FANCD2: variants seen among roughly 807,000 people sequenced by gnomAD.
FANCD2 encodes the protein Fanconi anemia group D2 protein.
A neutral mutation model predicts 192.3 loss-of-function variants in FANCD2; 131 were observed. The observed-to-expected ratio is 0.68, with a 90% CI of 0.59 to 0.79. FANCD2 has a LOEUF of 0.79. Ranked by LOEUF, FANCD2 falls within the 30% of genes least tolerant of loss-of-function variation. The pLI, the probability that FANCD2 is intolerant of heterozygous loss-of-function variation, is 0.00. For missense variants in FANCD2, 1,508 were observed against 1,701.6 expected (o/e 0.89, Z 2.00); for synonymous variants, 524 against 612.5 (o/e 0.86, Z 2.13).
Position 10,047,772 on chromosome 3 carries a change from G to C in FANCD2, c.1279-145G>C, listed in dbSNP as rs540795198. ...CTCAGAATGATGAAGGATTATTTTT[G>C]TGTAAAACAAAGATTAAGATTTCCT... On this transcript the variant is annotated intron_variant, in intron 15 of 43. Transcript: ENST00000675286. 137 of 884,678 alleles carry C rather than the reference G, an allele frequency of 1.5e-4. 2 individuals are homozygous for C. The highest frequency in any genetic ancestry group is 1.3e-3 in the Middle Eastern group (4 of 2,988). 54.8% of individuals were successfully genotyped at this position (884,678 alleles called of 1,614,324 possible). A position where few individuals can be genotyped will look rare whatever the true frequency, so the allele number is the denominator to read the frequency against.
chr3:10,063,867 T>G lies in FANCD2; in HGVS notation c.1903T>G (p.Phe635Val). 1 of 1,614,176 alleles carries G rather than the reference T, an allele frequency of 6.2e-7. No individual in the cohort carries two copies. The highest frequency in any genetic ancestry group is 1.1e-5 in the South Asian group (1 of 91,086). The change falls in exon 21 of 44, where the codon TTT (phenylalanine) becomes GTT (valine). Residue 635 changes from phenylalanine (F) to valine (V), a missense_variant. Transcript: ENST00000675286. Reference protein sequence around the residue: ...PQASALYYDEFANLIQHEKLD... With the variant: ...PQASALYYDEVANLIQHEKLD... ...GGCCTCTGCACTTTACTATGATGAA[T>G]TTGCCAACCTGATCCAACATGAAAA...
rs2086930406 is a variant in FANCD2, at chr3:10,043,878, A to C, written c.1134+14A>C. On this transcript the variant is annotated intron_variant, in intron 14 of 43. Transcript: ENST00000675286. ...TCTGAACACAAGGTAATGTTCATGT[A>C]CTATGCATTTTCAGTATTGCAGACT... is the stretch of plus-strand genomic sequence containing the variant. The C allele has an allele frequency of 6.3e-7, 1 of 1,594,340 alleles. No individual in the cohort carries two copies. The highest frequency in any genetic ancestry group is 1.3e-5 in the African/African-American group (1 of 74,330).
At chr3:10,045,742 C>T (rs562745018) in intron 14 of FANCD2, 1 of 150,944 alleles carries the variant, frequency 6.6e-6, no homozygotes, top group African/African-American at 2.4e-5. Flanking sequence ...GGTGGGATTA[C>T]AGGTGTGTGC....
chr3:10,035,375 G>A (rs181151949), intron 6 of FANCD2, 142 bp downstream of exon 6: 5 of 744,622 alleles, frequency 6.7e-6, no homozygotes, highest in Non-Finnish European at 4.8e-6. Context: ...CCCTGTTGCT[G>A]TGATGGGTTT....
At chr3:10,057,220 A>C (rs2087438348) in intron 18 of FANCD2, among the ~76,000 whole-genome samples, 2 of 152,020 alleles carry the variant, frequency 1.3e-5, no homozygotes, top group Admixed American at 1.3e-4. Context: ...TATATTCTGG[A>C]TATTGATCCC....
Position 10,088,562 on chromosome 3 carries a change from C to T in FANCD2, c.3560+20C>T, listed in dbSNP as rs55804542. The T allele has an allele frequency of 3.0e-4, 454 of 1,498,212 alleles. 1 individual carries two copies. In the African/African-American group the frequency reaches 5.5e-3, roughly 18 times the overall value. The allele number at this position is 1,498,212 out of a possible 1,614,324, so 92.8% of individuals were successfully genotyped here. ...GCTCTGGTGAGATGTTTGGTTTCTT[C>T]CAATGAGCCAAATAGCTTTTTTCTA... is the stretch of plus-strand genomic sequence containing the variant. On this transcript the variant is annotated intron_variant, in intron 35 of 43. Transcript: ENST00000675286.
rs1246728570 is a variant in FANCD2, at chr3:10,101,830, C to CTAA, written c.*569_*570insAAT. 5.2e-6 allele frequency: 1 copy of CTAA among 192,632 alleles called. No individual in the cohort carries two copies. The highest frequency in any genetic ancestry group is 2.3e-5 in the African/African-American group (1 of 43,098). The allele number at this position is 192,632 out of a possible 1,614,324, so 11.9% of individuals were successfully genotyped here. ...TGTGCTACACTGCAGAGTAAAATCTCTGAGTCATGATTCTGGACTTTGGGA... is the reference window on the plus strand; with the variant it reads ...TGTGCTACACTGCAGAGTAAAATCTCTAATGAGTCATGATTCTGGACTTTGGGA... On this transcript the variant is annotated 3_prime_UTR_variant, in exon 44 of 44. Coordinates refer to ENST00000675286, the MANE Select transcript of FANCD2 (RefSeq NM_001018115.3).
Position 10,101,377 on chromosome 3 carries a change from CT to C in FANCD2, c.*140del, listed in dbSNP as rs950337384. On this transcript the variant is annotated 3_prime_UTR_variant, in exon 44 of 44. Coordinates refer to ENST00000675286, the MANE Select transcript of FANCD2 (RefSeq NM_001018115.3). ...ACTGGTAGGATCCTTTTTTGTTCCT[CT>C]TTTTTTTTTTTTTTTTTTTTTTTTA... is the stretch of plus-strand genomic sequence containing the variant. 61,874 of 380,796 alleles carry C rather than the reference CT, an allele frequency of 0.16. 1,216 individuals carry two copies. The highest frequency in any genetic ancestry group is 0.29 in the African/African-American group (9,865 of 33,674). The allele number at this position is 380,796 out of a possible 1,614,324, so 23.6% of individuals were successfully genotyped here.
At chr3:10,070,828 C>T (rs1209848500) in intron 26 of FANCD2, among the ~76,000 whole-genome samples, 109 of 147,120 alleles carry the variant, frequency 7.4e-4, no homozygotes, top group Middle Eastern at 3.5e-3. Context: ...GGTGACCTTA[C>T]CCCCAACCCT....
Position 10,075,728 on chromosome 3 carries a change from C to CTTT in FANCD2, c.2859+1073_2859+1075dup, listed in dbSNP as rs71052292. The stretch of plus-strand genomic sequence containing the variant: ...GTACCTTCAGAACAGAAATAGTATC[C>CTTT]TTTTTTTTTTTTTTTTTTTTGAGAT... On this transcript the variant is annotated intron_variant, in intron 29 of 43. Transcript: ENST00000675286. Among the ~76,000 whole-genome samples, 315 of 106,610 alleles carry CTTT rather than the reference C, an allele frequency of 3.0e-3. 11 individuals carry two copies. The highest frequency in any genetic ancestry group is 5.2e-3 in the African/African-American group (140 of 26,784). 69.9% of individuals were successfully genotyped at this position (106,610 alleles called of 152,430 possible).
chr3:10,049,620 A>T, intron 17 of FANCD2, 115 bp downstream of exon 17: 1 of 1,026,420 alleles, frequency 9.7e-7, no homozygotes, highest in Non-Finnish European at 1.5e-6. Flanking sequence ...TATTCTATCT[A>T]TGTGTTAATT....
intron 24 of FANCD2, 95 bp downstream of exon 24, chr3:10,065,589 G>A (rs1490866222): frequency 6.9e-6 from 6 of 869,912 alleles, no homozygotes; most frequent in Non-Finnish European, 1.2e-5. Flanking sequence ...ATGTGGGGAG[G>A]AATTTTCTAA....
intron 30 of FANCD2, among the ~76,000 whole-genome samples, chr3:10,079,817 G>A (rs979969021): frequency 6.6e-5 from 10 of 152,072 alleles, no homozygotes; most frequent in South Asian, 6.2e-4. Flanking sequence ...GCAGTTGGAC[G>A]GTACATATAA....
Position 10,067,659 on chromosome 3 carries a change from G to A in FANCD2, c.2494+342G>A, listed in dbSNP as rs141634477. 1.2e-4 allele frequency among the ~76,000 whole-genome samples: 19 copies of A among 152,216 alleles called. No individual in the cohort carries two copies. The East Asian group carries it at 2.1e-3, about 17-fold the overall frequency. On this transcript the variant is annotated intron_variant, in intron 26 of 43. Coordinates refer to ENST00000675286, the MANE Select transcript of FANCD2 (RefSeq NM_001018115.3). ...CTAAACATACAAAAATTAGCCAGGCGTGGTTGTGGGCACCTGTAATCCCAA... is the reference window on the plus strand; with the variant it reads ...CTAAACATACAAAAATTAGCCAGGCATGGTTGTGGGCACCTGTAATCCCAA...
chr3:10,067,955 A>T (rs977204127), intron 26 of FANCD2, among the ~76,000 whole-genome samples: 8 of 152,330 alleles, frequency 5.3e-5, no homozygotes, highest in African/African-American at 1.7e-4. Flanking sequence ...GCTTAAAAAA[A>T]TTTTATAAAA....
Position 10,041,725 on chromosome 3 carries a change from G to C in FANCD2, c.783+15G>C. On this transcript the variant is annotated intron_variant, in intron 10 of 43. Coordinates refer to ENST00000675286, the MANE Select transcript of FANCD2 (RefSeq NM_001018115.3). ...TCCTATTGAAGGTAGAAAAGACTCA[G>C]CTTTCCAGAAACAGAGCCAGCTTTC... 1 of 1,601,642 alleles carries C rather than the reference G, an allele frequency of 6.2e-7. No homozygotes were observed. The highest frequency in any genetic ancestry group is 2.2e-5 in the East Asian group (1 of 44,810).
chr3:10,072,081 C>T (rs1693284211), intron 26 of FANCD2, among the ~76,000 whole-genome samples: 1 of 152,034 alleles, frequency 6.6e-6, no homozygotes, highest in African/African-American at 2.4e-5. Flanking sequence ...TTTGATAGCA[C>T]AACAGGGTGA....
rs551756208 is a variant in FANCD2, at chr3:10,034,910, G to C, written c.377+112G>C. 18 of 848,272 alleles carry C rather than the reference G, an allele frequency of 2.1e-5. No individual in the cohort carries two copies. The African/African-American group carries it at 2.9e-4, about 13-fold the overall frequency. 52.5% of individuals were successfully genotyped at this position (848,272 alleles called of 1,614,324 possible). A position where few individuals can be genotyped will look rare whatever the true frequency, so the allele number is the denominator to read the frequency against. ...AAATTTCATTTTTGGTGTAAGCTCT[G>C]TTTTCCTCAGAGTTTAAACTAAGTT... is the stretch of plus-strand genomic sequence containing the variant. On this transcript the variant is annotated intron_variant, in intron 5 of 43. Transcript: ENST00000675286.
Position 10,034,612 on chromosome 3 carries a change from A to C in FANCD2, c.273+76A>C. 1.3e-5 allele frequency: 20 copies of C among 1,495,416 alleles called. No homozygotes were observed. The South Asian group carries it at 2.1e-4, about 16-fold the overall frequency. The allele number at this position is 1,495,416 out of a possible 1,614,324, so 92.6% of individuals were successfully genotyped here. ...TTTGGAATTTAAGGACACTGGTATA[A>C]AGTTGAGTGGGCTAGAATGATTTTT... On this transcript the variant is annotated intron_variant, in intron 4 of 43. Transcript: ENST00000675286.
Sources: gnomAD v4.1 joint callset for allele counts (sites outside exome capture counted in the v4.1 genomes callset) on GRCh38, gnomAD v4.1.1 for gene constraint, MANE v1.5 for transcripts, NCBI Gene and HGNC (gene_info 2026-07-23, HGNC 2026-07-21) for gene names.